MIER3: variants seen among roughly 807,000 people sequenced by gnomAD.
MIER3 encodes MIER family member 3.
In MIER3, 9 loss-of-function variants were observed where a neutral mutation model predicts 63.2. The ratio of observed to expected loss-of-function variants is 0.14; its 90% CI spans 0.09 to 0.25. MIER3 has a LOEUF of 0.25. MIER3 is among the 10% of genes least tolerant of loss of function. The pLI is 1.00. For synonymous variants in MIER3, 205 were observed against 224.9 expected (o/e 0.91, Z 0.79); for missense variants, 512 against 666.2 (o/e 0.77, Z 2.55).
At position 56,930,695 on chromosome 5, in the gene MIER3, T is replaced by C. The variant is rs757546629; in HGVS notation, c.798A>G (p.Glu266=). The C allele has an allele frequency of 3.7e-6, 6 of 1,613,814 alleles. No homozygotes were observed. In the East Asian group the frequency reaches 1.3e-4, roughly 36 times the overall value. Residue 266 remains glutamate, a synonymous_variant, in exon 9 of 13, where the codon GAA becomes GAG. Coordinates refer to ENST00000381199, the MANE Select transcript of MIER3 (RefSeq NM_001297599.2). ...KCNHNIKEAI[E]RYCCNGKASQ... ...AGGCCTTTCCATTGCAGCAGTATCT[T>C]TCGATTGCTTCCTTTATATTGTGGT... is the stretch of plus-strand genomic sequence containing the variant.
chr5:56,926,128 G>A lies in MIER3; in HGVS notation c.925-2086C>T, dbSNP rs562310981. ...ATGGATTATAGACCTAAATGTAAAT[G>A]CAAAACTATAAAGCTCTTAGAAGAC... On this transcript the variant is annotated intron_variant, in intron 10 of 12. Coordinates refer to ENST00000381199, the MANE Select transcript of MIER3 (RefSeq NM_001297599.2). Among the ~76,000 whole-genome samples the A allele has an allele frequency of 4.6e-3, 701 of 152,156 alleles. 1 individual carries two copies. Among genetic ancestry groups the A allele is most frequent in the Middle Eastern group, 0.034 (10 of 294 alleles).
intron 3 of MIER3, among the ~76,000 whole-genome samples, chr5:56,946,678 T>C (rs973527976): frequency 1.3e-5 from 2 of 152,200 alleles, no homozygotes; most frequent in Non-Finnish European, 1.5e-5. Flanking sequence ...CGTATCTCAA[T>C]TTTCTCATCT....
At chr5:56,944,650 C>A (rs765490150) in intron 3 of MIER3, among the ~76,000 whole-genome samples, 1 of 152,164 alleles carries the variant, frequency 6.6e-6, no homozygotes, top group Non-Finnish European at 1.5e-5. Context: ...TACCTTAAGG[C>A]ACAGGCTGCA....
chr5:56,951,805 G>T (rs1265465315), intron 1 of MIER3, among the ~76,000 whole-genome samples: 3 of 151,416 alleles, frequency 2.0e-5, no homozygotes, highest in African/African-American at 4.8e-5. Flanking sequence ...CGTCCCTGGG[G>T]CAGGGCTCAC....
chr5:56,949,090 C>T (rs899512416), intron 2 of MIER3, among the ~76,000 whole-genome samples: 1 of 152,112 alleles, frequency 6.6e-6, no homozygotes, highest in African/African-American at 2.4e-5. Context: ...TTTTAAAAAA[C>T]TGGCTAATTA....
chr5:56,923,466 C>T lies in MIER3; in HGVS notation c.1315G>A (p.Glu439Lys). Residue 439 changes from glutamate (E) to lysine (K), a missense_variant, in exon 13 of 13, where the codon GAA becomes AAA. By Grantham distance (56) the Glu-to-Lys change is moderately conservative. Coordinates refer to ENST00000381199, the MANE Select transcript of MIER3 (RefSeq NM_001297599.2). ...TTGCTGGGCAGGGTGAGTAACTCTT[C>T]TGTTACAACAGGCACATGATTAACT... Reference protein sequence around the residue: ...GQVNHVPVVTEELLTLPSNGE... With the variant: ...GQVNHVPVVTKELLTLPSNGE... 1.2e-6 allele frequency: 2 copies of T among 1,614,172 alleles called. No individual in the cohort carries two copies. Among genetic ancestry groups the T allele is most frequent in the Non-Finnish European group, 1.7e-6 (2 of 1,180,032 alleles).
intron 1 of MIER3, 146 bp from the exon 2 acceptor site, chr5:56,950,798 G>A (rs1434316327): frequency 4.7e-6 from 4 of 842,870 alleles, no homozygotes; most frequent in Non-Finnish European, 7.6e-6. Context: ...AATCGCTCCC[G>A]GCCCCTTTCG....
chr5:56,944,238 G>A (rs113669168), intron 3 of MIER3, among the ~76,000 whole-genome samples: 143 of 152,204 alleles, frequency 9.4e-4, no homozygotes, highest in African/African-American at 3.2e-3. Flanking sequence ...TTGGGAGGCC[G>A]AGGAGGGCAG....
intron 2 of MIER3, among the ~76,000 whole-genome samples, chr5:56,948,730 T>C (rs1221666411): frequency 6.6e-6 from 1 of 152,136 alleles, no homozygotes; most frequent in Non-Finnish European, 1.5e-5. Flanking sequence ...ACATCCACCA[T>C]TACAAATTTT....
chr5:56,925,163 A>C (rs143796939), intron 10 of MIER3, among the ~76,000 whole-genome samples: 1 of 152,328 alleles, frequency 6.6e-6, no homozygotes, highest in East Asian at 1.9e-4. Flanking sequence ...AAAATGTCTT[A>C]AATTATACGC....
chr5:56,932,860 T>C (rs547870713), intron 8 of MIER3, among the ~76,000 whole-genome samples: 4 of 152,186 alleles, frequency 2.6e-5, no homozygotes, highest in South Asian at 2.1e-4. Flanking sequence ...ATTACAAGTA[T>C]AGGATAAGTA....
intron 8 of MIER3, among the ~76,000 whole-genome samples, chr5:56,931,878 A>T (rs1381156931): frequency 6.6e-6 from 1 of 152,232 alleles, no homozygotes; most frequent in African/African-American, 2.4e-5. Context: ...TTACCAATAA[A>T]TTTTTTAAAA....
chr5:56,937,313 G>C (rs1750481182), intron 5 of MIER3, among the ~76,000 whole-genome samples: 1 of 152,126 alleles, frequency 6.6e-6, no homozygotes. Context: ...CTGGCCTCAA[G>C]TGATCTGTCT....
chr5:56,928,694 TAA>T, intron 10 of MIER3, 71 bp downstream of exon 10: 1 of 1,065,666 alleles, frequency 9.4e-7, no homozygotes, highest in Non-Finnish European at 1.4e-6. Flanking sequence ...TTTTCCTACT[TAA>T]GTGACTTATA....
chr5:56,939,145 A>G (rs1464547728), intron 3 of MIER3, 128 bp from the exon 4 acceptor site: 1 of 1,038,162 alleles, frequency 9.6e-7, no homozygotes, highest in African/African-American at 1.6e-5. Context: ...GGCAAGTTTC[A>G]GTTTTTCTTT....
chr5:56,922,821 CAAA>C lies in MIER3; in HGVS notation c.*304_*306del. On this transcript the variant is annotated 3_prime_UTR_variant, in exon 13 of 13. Transcript: ENST00000381199. ...TTGGGAGTGAGGGCAGTGGGGAACA[CAAA>C]AGAATAGAAAAAGAAGGGAGTGGGG... 6.3e-6 allele frequency: 2 copies of C among 317,038 alleles called. No homozygotes were observed. The highest frequency in any genetic ancestry group is 8.3e-5 in the South Asian group (2 of 24,156). 19.6% of individuals were successfully genotyped at this position (317,038 alleles called of 1,614,324 possible).
intron 3 of MIER3, among the ~76,000 whole-genome samples, chr5:56,943,635 C>T (rs1405006675): frequency 6.6e-6 from 1 of 152,134 alleles, no homozygotes; most frequent in Non-Finnish European, 1.5e-5. Context: ...TCATTTGCAC[C>T]AAAACTTTTA....
chr5:56,935,871 AC>A (rs1750425434), intron 5 of MIER3, 120 bp from the exon 6 acceptor site: 2 of 693,978 alleles, frequency 2.9e-6, no homozygotes, highest in Non-Finnish European at 4.9e-6. Flanking sequence ...ATACTAAACC[AC>A]CTGCATGTTT....
intron 10 of MIER3, among the ~76,000 whole-genome samples, chr5:56,927,452 C>CA (rs1160536356): frequency 6.6e-6 from 1 of 152,080 alleles, no homozygotes; most frequent in African/African-American, 2.4e-5. Context: ...CTGAGCTACC[C>CA]ACCAAAATGC....
Sources: allele counts gnomAD v4.1 joint callset (sites outside exome capture counted in the v4.1 genomes callset), GRCh38; gene constraint gnomAD v4.1.1; transcripts MANE v1.5; gene names NCBI Gene and HGNC (gene_info 2026-07-23, HGNC 2026-07-21).